Variants in YAP1 observed in about 807,000 individuals in gnomAD.
YAP1 encodes transcriptional coactivator YAP1.
YAP1 carries 5 observed loss-of-function variants against 56.9 expected under a neutral mutation model. The ratio of observed to expected loss-of-function variants is 0.09; its 90% CI spans 0.05 to 0.18. The LOEUF is 0.18. Ranked by LOEUF, YAP1 falls within the 10% of genes least tolerant of loss-of-function variation. The probability of loss-of-function intolerance (pLI) is 1.00; values close to 1 mark genes in which losing one functional copy is unlikely to be tolerated. For synonymous variants in YAP1, 265 were observed against 248.1 expected (o/e 1.07, Z -0.64); for missense variants, 539 against 651.8 (o/e 0.83, Z 1.88).
At chr11:102,202,832 G>A (rs866951431) in intron 4 of YAP1, among the ~76,000 whole-genome samples, 1 of 152,252 alleles carries the variant, frequency 6.6e-6, no homozygotes, top group South Asian at 2.1e-4. Flanking sequence ...CATGAAGACA[G>A]TCATCTTGTG....
chr11:102,159,856 G>A (rs1201843192), intron 2 of YAP1, among the ~76,000 whole-genome samples: 2 of 151,930 alleles, frequency 1.3e-5, no homozygotes, highest in Non-Finnish European at 1.5e-5. Flanking sequence ...GAGGCTTCTG[G>A]GTCTTTAAAA....
intron 2 of YAP1, among the ~76,000 whole-genome samples, chr11:102,118,067 T>TTA (rs1943401461): frequency 6.6e-6 from 1 of 152,226 alleles, no homozygotes. Flanking sequence ...CTTATAACTA[T>TTA]TACCATGTTC....
intron 1 of YAP1, among the ~76,000 whole-genome samples, chr11:102,111,989 C>CT: frequency 6.6e-6 from 1 of 152,202 alleles, no homozygotes; most frequent in East Asian, 1.9e-4. Context: ...CCGGCTTGCT[C>CT]TTATCAAACT....
At chr11:102,206,285 A>G (rs1949116468) in intron 5 of YAP1, among the ~76,000 whole-genome samples, 1 of 152,182 alleles carries the variant, frequency 6.6e-6, no homozygotes, top group South Asian at 2.1e-4. Flanking sequence ...TGACTTGGAA[A>G]CCTGTATCAT....
At chr11:102,224,385 A>G (rs1316473659) in intron 7 of YAP1, among the ~76,000 whole-genome samples, 2 of 152,238 alleles carry the variant, frequency 1.3e-5, no homozygotes, top group African/African-American at 4.8e-5. Context: ...GAAACAGGTC[A>G]TATTCTTTGC....
chr11:102,197,442 T>C (rs561929758), intron 4 of YAP1, among the ~76,000 whole-genome samples: 1 of 152,326 alleles, frequency 6.6e-6, no homozygotes, highest in East Asian at 1.9e-4. Context: ...ACAAATCATG[T>C]AAATTTTTAG....
intron 2 of YAP1, among the ~76,000 whole-genome samples, chr11:102,131,341 C>A (rs747257600): frequency 1.3e-5 from 2 of 152,150 alleles, no homozygotes; most frequent in Non-Finnish European, 2.9e-5. Context: ...ATGTAGCAGG[C>A]GTTGTTCTGG....
intron 1 of YAP1, among the ~76,000 whole-genome samples, chr11:102,113,896 C>CTAGA (rs1565416435): frequency 1.3e-5 from 2 of 151,940 alleles, no homozygotes; most frequent in East Asian, 3.8e-4. Context: ...CTAGTGTGGA[C>CTAGA]CAGGGGAAAT....
chr11:102,169,578 T>C (rs983894202), intron 3 of YAP1, among the ~76,000 whole-genome samples: 15 of 152,252 alleles, frequency 9.9e-5, no homozygotes, highest in Non-Finnish European at 2.9e-5. Flanking sequence ...TGTATTTGAC[T>C]AGTTACTCTC....
At position 102,197,009 on chromosome 11, in the gene YAP1, A is replaced by G. The variant is rs369132014; in HGVS notation, c.803-8884A>G. On this transcript the variant is annotated intron_variant, in intron 4 of 8. Transcript: ENST00000282441. ...TCTCTATTGATGATTCAGTCCCCTT[A>G]GGTCATGCAGTAAACACTTAGAGCC... Among the ~76,000 whole-genome samples the G allele has an allele frequency of 3.3e-5, 5 of 152,274 alleles. No homozygotes were observed. The East Asian group carries it at 5.8e-4, about 18-fold the overall frequency.
At position 102,231,147 on chromosome 11, in the gene YAP1, T is replaced by C. The variant is rs1233235878; in HGVS notation, c.*1207T>C. 1 of 152,214 alleles carries C rather than the reference T, an allele frequency of 6.6e-6. No homozygotes were observed. The highest frequency in any genetic ancestry group is 1.5e-5 in the Non-Finnish European group (1 of 68,058). The allele number at this position is 152,214 out of a possible 1,614,324, so 9.4% of individuals were successfully genotyped here. A position where few individuals can be genotyped will look rare whatever the true frequency, so the allele number is the denominator to read the frequency against. On this transcript the variant is annotated 3_prime_UTR_variant, in exon 9 of 9. Transcript: ENST00000282441. ...CATACGGTAGATATTATCTGATGAA[T>C]TGGAAAGGAGCAAACCAGAAATGGC...
In YAP1 at chr11:102,206,103, C is replaced by T. The variant is rs757633305; in HGVS notation, c.984+29C>T. On this transcript the variant is annotated intron_variant, in intron 5 of 8. Transcript: ENST00000282441. ...AGGCCACAGGTTAGAAACCAGCCTT[C>T]CACTTTTGGGGGTTTGTTTTCTTAA... The T allele has an allele frequency of 6.7e-5, 107 of 1,590,344 alleles. No homozygotes were observed. Among genetic ancestry groups the T allele is most frequent in the Non-Finnish European group, 8.8e-5 (102 of 1,164,542 alleles).
At chr11:102,141,152 C>G (rs1407494747) in intron 2 of YAP1, among the ~76,000 whole-genome samples, 1 of 152,128 alleles carries the variant, frequency 6.6e-6, no homozygotes, top group African/African-American at 2.4e-5. Flanking sequence ...TTTTCCTGTC[C>G]AAAGTCTGCC....
At chr11:102,120,676 G>A (rs1053869610) in intron 2 of YAP1, among the ~76,000 whole-genome samples, 9 of 152,164 alleles carry the variant, frequency 5.9e-5, no homozygotes, top group Non-Finnish European at 1.2e-4. Context: ...TTAACCTAAA[G>A]GGAGAGGAGT....
intron 6 of YAP1, among the ~76,000 whole-genome samples, chr11:102,211,784 A>C (rs1949416217): frequency 6.6e-6 from 1 of 151,632 alleles, no homozygotes; most frequent in African/African-American, 2.4e-5. Context: ...GCTCACTGCA[A>C]CCTCCACCTC....
chr11:102,162,396 T>G (rs1224750364), intron 2 of YAP1, 60 bp from the exon 3 acceptor site: 14 of 1,446,270 alleles, frequency 9.7e-6, no homozygotes, highest in Middle Eastern at 1.8e-4. Flanking sequence ...GCCCACAAGA[T>G]AAGAATTGTT....
In YAP1 at chr11:102,110,807, C is replaced by G; in HGVS notation, c.-42C>G. Reference sequence around the variant, plus strand: ...CCGGGGCGTCCGGGCGTAGCCCTCGCTCGCCTGGGTCAGGGGGTGCGCGTC... The same window carrying G: ...CCGGGGCGTCCGGGCGTAGCCCTCGGTCGCCTGGGTCAGGGGGTGCGCGTC... On this transcript the variant is annotated 5_prime_UTR_variant, in exon 1 of 9. Transcript: ENST00000282441. 7.6e-7 allele frequency: 1 copy of G among 1,318,352 alleles called. No homozygotes were observed. Among genetic ancestry groups the G allele is most frequent in the East Asian group, 3.3e-5 (1 of 29,870 alleles). 81.7% of individuals were successfully genotyped at this position (1,318,352 alleles called of 1,614,324 possible). A position where few individuals can be genotyped will look rare whatever the true frequency, so the allele number is the denominator to read the frequency against.
intron 3 of YAP1, among the ~76,000 whole-genome samples, chr11:102,165,081 A>C (rs1230989936): frequency 6.6e-6 from 1 of 152,122 alleles, no homozygotes; most frequent in African/African-American, 2.4e-5. Flanking sequence ...TGTCCTGGGC[A>C]GGTACAGTGG....
intron 2 of YAP1, among the ~76,000 whole-genome samples, chr11:102,133,442 C>T (rs1158443008): frequency 2.0e-5 from 3 of 151,976 alleles, no homozygotes; most frequent in African/African-American, 4.8e-5. Flanking sequence ...ACTACAGGCA[C>T]GTTGCTACCA....
Sources: gnomAD v4.1 joint callset for allele counts (sites outside exome capture counted in the v4.1 genomes callset) on GRCh38, gnomAD v4.1.1 for gene constraint, MANE v1.5 for transcripts, NCBI Gene and HGNC (gene_info 2026-07-23, HGNC 2026-07-21) for gene names.